DAPK1: variants seen among roughly 807,000 people sequenced by gnomAD.
The protein encoded by DAPK1 is death-associated protein kinase 1.
Under a neutral mutation model 144.9 loss-of-function variants are expected in DAPK1, and 56 were observed. That is an observed-to-expected ratio of 0.39 (90% CI 0.31 to 0.48). The LOEUF (loss-of-function observed/expected upper bound fraction) is 0.48, where lower values mean the gene tolerates loss of function less well. Ranked by LOEUF, DAPK1 falls within the 20% of genes least tolerant of loss-of-function variation. DAPK1 has a pLI of 0.95. For missense variants in DAPK1, 1,454 were observed against 1,875.4 expected (o/e 0.78, Z 4.15); for synonymous variants, 690 against 749.0 (o/e 0.92, Z 1.29).
intron 24 of DAPK1, among the ~76,000 whole-genome samples, chr9:87,700,547 G>A (rs1171685845): frequency 6.6e-6 from 1 of 152,066 alleles, no homozygotes; most frequent in Non-Finnish European, 1.5e-5. Context: ...CATCCAGGCT[G>A]GAGTACAGTG....
At chr9:87,509,652 G>A (rs534802403) in intron 2 of DAPK1, among the ~76,000 whole-genome samples, 2 of 152,314 alleles carry the variant, frequency 1.3e-5, no homozygotes, top group African/African-American at 4.8e-5. Context: ...GAGCCACCGC[G>A]CCCGGCCATC....
At chr9:87,568,947 G>A (rs1827234635) in intron 2 of DAPK1, among the ~76,000 whole-genome samples, 1 of 152,156 alleles carries the variant, frequency 6.6e-6, no homozygotes, top group South Asian at 2.1e-4. Context: ...AATTTTAGAG[G>A]AATACAGAAT....
chr9:87,498,865 C>T, intron 1 of DAPK1, 105 bp from the exon 2 acceptor site: 1 of 521,882 alleles, frequency 1.9e-6, no homozygotes, highest in Non-Finnish European at 3.5e-6. Context: ...GGGGCAGCTC[C>T]GGAGACCCGG....
chr9:87,533,757 G>A (rs1825773738), intron 2 of DAPK1, among the ~76,000 whole-genome samples: 1 of 152,188 alleles, frequency 6.6e-6, no homozygotes, highest in Admixed American at 6.5e-5. Context: ...CCGCCTCTCT[G>A]GCTTAAGCGA....
At chr9:87,655,606 C>A (rs1830604015) in intron 17 of DAPK1, among the ~76,000 whole-genome samples, 1 of 152,152 alleles carries the variant, frequency 6.6e-6, no homozygotes, top group Non-Finnish European at 1.5e-5. Flanking sequence ...CCATTCAAAT[C>A]CTACCCTGTC....
intron 18 of DAPK1, among the ~76,000 whole-genome samples, chr9:87,660,594 T>C (rs1830808218): frequency 6.6e-6 from 1 of 152,014 alleles, no homozygotes; most frequent in African/African-American, 2.4e-5. Context: ...GCAAAGCACA[T>C]TGTACCCATC....
chr9:87,597,416 A>G (rs1028691961), intron 2 of DAPK1, among the ~76,000 whole-genome samples: 7 of 152,164 alleles, frequency 4.6e-5, no homozygotes, highest in Admixed American at 2.6e-4. Flanking sequence ...TGGGGGGGAA[A>G]ATGTAGAGAC....
intron 2 of DAPK1, among the ~76,000 whole-genome samples, chr9:87,556,628 C>T (rs1826728161): frequency 6.6e-6 from 1 of 152,172 alleles, no homozygotes. Flanking sequence ...CTCAGCTACC[C>T]TTTCACAGAG....
At chr9:87,683,295 C>G (rs1208658483) in intron 20 of DAPK1, among the ~76,000 whole-genome samples, 1 of 152,012 alleles carries the variant, frequency 6.6e-6, no homozygotes, top group African/African-American at 2.4e-5. Flanking sequence ...ATTGGCCAGG[C>G]TGGTCTCAGA....
intron 24 of DAPK1, among the ~76,000 whole-genome samples, chr9:87,701,088 TAATC>T (rs2118068380): frequency 6.6e-6 from 1 of 152,334 alleles, no homozygotes; most frequent in African/African-American, 2.4e-5. Context: ...AAGCCCCTGA[TAATC>T]AATACAGTTA....
Position 87,708,178 on chromosome 9 carries a change from A to G in DAPK1, c.*814A>G. On this transcript the variant is annotated 3_prime_UTR_variant, in exon 26 of 26. Coordinates refer to ENST00000408954, the MANE Select transcript of DAPK1 (RefSeq NM_004938.4). ...AATGTCAATGTGAACGTCCACATGA[A>G]ACCTACACACTGTCATGCTTCATCA... 2 of 246,878 alleles carry G rather than the reference A, an allele frequency of 8.1e-6. No homozygotes were observed. The highest frequency in any genetic ancestry group is 1.6e-5 in the Non-Finnish European group (2 of 124,738). 15.3% of individuals were successfully genotyped at this position (246,878 alleles called of 1,614,324 possible).
chr9:87,641,452 A>G (rs1316723259), intron 9 of DAPK1, among the ~76,000 whole-genome samples: 4 of 152,168 alleles, frequency 2.6e-5, no homozygotes, highest in Non-Finnish European at 5.9e-5. Flanking sequence ...TCTGGGGGCA[A>G]ATAGCTTTGC....
chr9:87,616,177 G>T (rs1389901199), intron 3 of DAPK1, among the ~76,000 whole-genome samples: 1 of 152,230 alleles, frequency 6.6e-6, no homozygotes, highest in African/African-American at 2.4e-5. Flanking sequence ...CATGAAGTTG[G>T]GGGTGGGCAG....
chr9:87,696,294 CATA>C (rs928727967), intron 21 of DAPK1, among the ~76,000 whole-genome samples: 53 of 152,184 alleles, frequency 3.5e-4, no homozygotes, highest in Admixed American at 3.1e-3. Flanking sequence ...TATACACACA[CATA>C]ATAATGAAGG....
chr9:87,705,240 A>ATTT (rs200565337), intron 25 of DAPK1, among the ~76,000 whole-genome samples: 182 of 128,690 alleles, frequency 1.4e-3, no homozygotes, highest in African/African-American at 4.8e-3. Context: ...TAATTAATTA[A>ATTT]TTTTTTTTTT....
chr9:87,545,017 C>G (rs1826191608), intron 2 of DAPK1, among the ~76,000 whole-genome samples: 1 of 152,110 alleles, frequency 6.6e-6, no homozygotes, highest in South Asian at 2.1e-4. Context: ...TGGTGGTTGT[C>G]CCCACACAAT....
chr9:87,512,787 T>C (rs890591094), intron 2 of DAPK1, among the ~76,000 whole-genome samples: 4 of 152,082 alleles, frequency 2.6e-5, no homozygotes, highest in Non-Finnish European at 5.9e-5. Flanking sequence ...ATTACAGGTG[T>C]GTGCCACCAT....
chr9:87,590,967 C>CA, intron 2 of DAPK1, among the ~76,000 whole-genome samples: 1 of 152,352 alleles, frequency 6.6e-6, no homozygotes, highest in East Asian at 1.9e-4. Flanking sequence ...AATCTGACCT[C>CA]ATGGAGTTAA....
intron 2 of DAPK1, among the ~76,000 whole-genome samples, chr9:87,528,834 T>C (rs1205292502): frequency 2.1e-5 from 3 of 141,228 alleles, no homozygotes; most frequent in African/African-American, 5.4e-5. Context: ...ATCGCGCCAC[T>C]GCACTCCAGC....
Sources: allele counts gnomAD v4.1 joint callset (sites outside exome capture counted in the v4.1 genomes callset), GRCh38; gene constraint gnomAD v4.1.1; transcripts MANE v1.5; gene names NCBI Gene and HGNC (gene_info 2026-07-23, HGNC 2026-07-21).